Variants in TMC5 observed in about 807,000 individuals in gnomAD.
TMC5 encodes the protein transmembrane channel-like protein 5.
Under a neutral mutation model 110.5 loss-of-function variants are expected in TMC5, and 86 were observed. The observed-to-expected ratio is 0.78, with a 90% CI of 0.65 to 0.93. The LOEUF (loss-of-function observed/expected upper bound fraction) is 0.93. Ranked by LOEUF, TMC5 falls within the 40% of genes least tolerant of loss-of-function variation. TMC5 has a pLI of 0.00. For synonymous variants in TMC5, 455 were observed against 439.5 expected, an observed-to-expected ratio of 1.04 and a Z score of -0.44; for missense variants, 1,144 against 1,222.8, an observed-to-expected ratio of 0.94 and a Z score of 0.96.
At chr16:19,448,300 ACACG>A (rs1442946432) in intron 4 of TMC5, among the ~76,000 whole-genome samples, 307 of 70,778 alleles carry the variant, frequency 4.3e-3, no homozygotes, top group African/African-American at 0.014. Context: ...ATTTACACAC[ACACG>A]CACACACACA....
intron 1 of TMC5, among the ~76,000 whole-genome samples, chr16:19,428,157 G>T (rs758946844): frequency 9.2e-5 from 14 of 152,156 alleles, no homozygotes; most frequent in Non-Finnish European, 1.5e-4. Context: ...AGCGGAAAGA[G>T]ATTTGATAGG....
intron 14 of TMC5, among the ~76,000 whole-genome samples, chr16:19,479,942 A>G (rs988350443): frequency 2.0e-5 from 3 of 151,982 alleles, no homozygotes; most frequent in East Asian, 1.9e-4. Context: ...CAAAAAAAAA[A>G]AAAAAGAAGA....
intron 4 of TMC5, among the ~76,000 whole-genome samples, chr16:19,444,909 T>C (rs1480994398): frequency 6.6e-6 from 1 of 152,154 alleles, no homozygotes; most frequent in Admixed American, 6.5e-5. Context: ...GGCGGGCAGA[T>C]CACCTGAGGT....
chr16:19,485,079 A>G (rs1236404151), intron 15 of TMC5, among the ~76,000 whole-genome samples: 1 of 147,332 alleles, frequency 6.8e-6, no homozygotes, highest in African/African-American at 2.5e-5. Context: ...TTTCACCTGT[A>G]CCATTATCTA....
At chr16:19,475,701 C>G (rs1321853740) in intron 12 of TMC5, among the ~76,000 whole-genome samples, 1 of 152,120 alleles carries the variant, frequency 6.6e-6, no homozygotes, top group Admixed American at 6.6e-5. Flanking sequence ...CTGCATTTTG[C>G]GTTCTTCAAA....
intron 17 of TMC5, among the ~76,000 whole-genome samples, chr16:19,489,795 C>CTT (rs986591073): frequency 6.9e-6 from 1 of 144,608 alleles, no homozygotes. Context: ...AATTTCATTT[C>CTT]TTTTTTTTTT....
At chr16:19,419,419 T>TGTTTTG (rs1966931440) in intron 1 of TMC5, among the ~76,000 whole-genome samples, 1 of 134,826 alleles carries the variant, frequency 7.4e-6, no homozygotes, top group African/African-American at 2.8e-5. Flanking sequence ...TTTTTTTTTT[T>TGTTTTG]TTTTTTTTTT....
intron 15 of TMC5, among the ~76,000 whole-genome samples, chr16:19,481,710 C>T (rs150328712): frequency 2.5e-4 from 38 of 152,336 alleles, no homozygotes; most frequent in African/African-American, 8.9e-4. Context: ...TCGTGTCCAG[C>T]TTTGCAGGTG....
intron 4 of TMC5, among the ~76,000 whole-genome samples, chr16:19,447,996 C>T (rs1433561683): frequency 6.6e-6 from 1 of 151,988 alleles, no homozygotes; most frequent in Non-Finnish European, 1.5e-5. Flanking sequence ...TGTAATTTTG[C>T]ATATTGTCCC....
At chr16:19,483,806 C>G (rs781048823) in intron 15 of TMC5, among the ~76,000 whole-genome samples, 6 of 151,294 alleles carry the variant, frequency 4.0e-5, no homozygotes, top group Non-Finnish European at 7.4e-5. Context: ...AAAGAAAAGG[C>G]CAGGCACGGT....
chr16:19,462,087 G>T (rs1388680168), intron 6 of TMC5, among the ~76,000 whole-genome samples: 1 of 152,192 alleles, frequency 6.6e-6, no homozygotes, highest in Non-Finnish European at 1.5e-5. Flanking sequence ...TGAGTTCATG[G>T]AAGGGTAAGG....
At chr16:19,494,174 C>T (rs973275701) in intron 19 of TMC5, 88 bp from the exon 20 acceptor site, 13 of 1,033,874 alleles carry the variant, frequency 1.3e-5, no homozygotes, top group African/African-American at 8.0e-5. Context: ...TGAAAACCGA[C>T]GTTCTTCCCA....
chr16:19,465,977 T>C, intron 8 of TMC5, 105 bp from the exon 9 acceptor site: 2 of 1,231,028 alleles, frequency 1.6e-6, no homozygotes, highest in Non-Finnish European at 1.1e-6. Context: ...CTAAACTGAC[T>C]GGCCCAGGCT....
chr16:19,449,130 C>T (rs113943607), intron 4 of TMC5, among the ~76,000 whole-genome samples: 10,717 of 152,004 alleles, frequency 0.071, 771 homozygotes, highest in African/African-American at 0.19. Flanking sequence ...GGATTACAGG[C>T]GTGAGCCACT....
At chr16:19,417,677 T>C (rs1449808319), upstream of TMC5, 1 of 152,102 alleles carries the variant, frequency 6.6e-6, no homozygotes, top group Non-Finnish European at 1.5e-5. Context: ...AGTTAGGGCT[T>C]AGGAAGAAGG....
intron 15 of TMC5, among the ~76,000 whole-genome samples, chr16:19,484,599 TA>T (rs975188862): frequency 3.3e-5 from 5 of 151,870 alleles, no homozygotes; most frequent in Non-Finnish European, 7.4e-5. Flanking sequence ...CTGACTCTAC[TA>T]AAAAATACAA....
chr16:19,434,464 A>AT, intron 2 of TMC5, among the ~76,000 whole-genome samples: 1 of 35,710 alleles, frequency 2.8e-5, no homozygotes, highest in Non-Finnish European at 5.0e-5. Context: ...ATCTATATCT[A>AT]TAGATAGATA....
chr16:19,479,319 G>C, intron 13 of TMC5, 112 bp from the exon 14 acceptor site: 1 of 849,986 alleles, frequency 1.2e-6, no homozygotes, highest in Admixed American at 1.8e-5. Flanking sequence ...CAAGGACTTG[G>C]TCAAACCCAA....
At chr16:19,441,573 A>G (rs1053290796) in intron 3 of TMC5, among the ~76,000 whole-genome samples, 1 of 151,892 alleles carries the variant, frequency 6.6e-6, no homozygotes, top group Non-Finnish European at 1.5e-5. Context: ...GATTATAGGC[A>G]TGAGCCACCA....
Sources: gnomAD v4.1 joint callset for allele counts (sites outside exome capture counted in the v4.1 genomes callset) on GRCh38, gnomAD v4.1.1 for gene constraint, MANE v1.5 for transcripts, NCBI Gene and HGNC (gene_info 2026-07-23, HGNC 2026-07-21) for gene names.